The following TUBGCP6 variants were observed in gnomAD, a reference collection of about 807,000 sequenced individuals.
TUBGCP6 encodes the protein gamma-tubulin complex component 6.
TUBGCP6 carries 161 observed loss-of-function variants against 175.8 expected under a neutral mutation model. The observed-to-expected ratio is 0.92, with a 90% confidence interval of 0.81 to 1.04. The LOEUF is 1.04. TUBGCP6 is among the 50% of genes least tolerant of loss of function. TUBGCP6 has a pLI of 0.00. For synonymous variants in TUBGCP6, 1,173 were observed against 1,030.5 expected, an observed-to-expected ratio of 1.14 and a Z score of -2.65; for missense variants, 2,572 against 2,433.0, an observed-to-expected ratio of 1.06 and a Z score of -1.20.
Position 50,224,165 on chromosome 22 carries a change from T to C in TUBGCP6, c.2246A>G (p.Glu749Gly), listed in dbSNP as rs1395539063. 1.2e-6 allele frequency: 2 copies of C among 1,613,670 alleles called. No individual in the cohort carries two copies. The highest frequency in any genetic ancestry group is 2.7e-5 in the African/African-American group (2 of 74,888). Residue 749 changes from glutamate (E) to glycine (G), a missense_variant, in exon 13 of 25, where the codon GAG becomes GGG. Physicochemically the swap from Glu to Gly is moderately conservative, Grantham distance 98 (BLOSUM62 -2). Transcript: ENST00000248846. Reference protein sequence around the residue: ...RDRERRLKSLEEELERKARQA... With the variant: ...RDRERRLKSLGEELERKARQA... ...CCTCGCCTTCCTCTCCAGCTCCTCC[T>C]CCAGGGACTTCAGCCTTCTCTCCCT...
intron 2 of TUBGCP6, among the ~76,000 whole-genome samples, chr22:50,237,453 C>G (rs147380283): frequency 6.6e-6 from 1 of 152,204 alleles, no homozygotes; most frequent in Non-Finnish European, 1.5e-5. Context: ...TGTCAGGGGC[C>G]GTGGGATCAG....
At chr22:50,228,519 C>T (rs2064647848) in intron 4 of TUBGCP6, among the ~76,000 whole-genome samples, 2 of 152,186 alleles carry the variant, frequency 1.3e-5, no homozygotes, top group South Asian at 4.1e-4. Context: ...CCCTGCAGGT[C>T]ACACTAAGAC....
At chr22:50,230,528 T>A (rs1182709011) in intron 3 of TUBGCP6, among the ~76,000 whole-genome samples, 3 of 150,314 alleles carry the variant, frequency 2.0e-5, no homozygotes, top group Non-Finnish European at 4.4e-5. Flanking sequence ...AATTGTTGAA[T>A]ACGGGAGGCA....
chr22:50,237,660 C>G (rs181703046), intron 2 of TUBGCP6, among the ~76,000 whole-genome samples: 1 of 152,128 alleles, frequency 6.6e-6, no homozygotes, highest in Non-Finnish European at 1.5e-5. Flanking sequence ...TAGGAACCAC[C>G]GCCAGGCCCC....
At chr22:50,238,532 GTT>G (rs1314149857) in intron 2 of TUBGCP6, among the ~76,000 whole-genome samples, 1 of 113,890 alleles carries the variant, frequency 8.8e-6, no homozygotes. Context: ...TGTAGGGCCA[GTT>G]TTTTTTTTTG....
At position 50,228,467 on chromosome 22, in the gene TUBGCP6, T is replaced by C. The variant is rs572119668; in HGVS notation, c.1291-439A>G. Reference sequence around the variant, plus strand: ...GCTGCAGCTGCTCCGACCACAGCTGTCTCAGTGGCACCAGCATCCTGGGCA... The same window carrying C: ...GCTGCAGCTGCTCCGACCACAGCTGCCTCAGTGGCACCAGCATCCTGGGCA... On this transcript the variant is annotated intron_variant, in intron 4 of 24. Coordinates refer to ENST00000248846, the MANE Select transcript of TUBGCP6 (RefSeq NM_020461.4). Among the ~76,000 whole-genome samples the C allele has an allele frequency of 2.9e-3, 441 of 152,230 alleles. 15 individuals carry two copies. The highest frequency in any genetic ancestry group is 4.7e-4 in the Non-Finnish European group (32 of 68,004).
rs371758794 is a variant in TUBGCP6, at chr22:50,219,101, G to A, written c.4593C>T (p.Phe1531=). 50 of 1,612,824 alleles carry A rather than the reference G, an allele frequency of 3.1e-5. No individual in the cohort carries two copies. The highest frequency in any genetic ancestry group is 2.6e-4 in the South Asian group (24 of 91,000). ...AGAGCAGGTCGCTGAGGGACTGGGC[G>A]AACTCGCCGTCCTCCATCAGCAGGA... The part of the protein sequence containing the change: ...RHFLLMEDGE[F]AQSLSDLLFE... The change falls in exon 20 of 25, where the codon TTC becomes TTT. Residue 1531 remains phenylalanine, a synonymous_variant. Coordinates refer to ENST00000248846, the MANE Select transcript of TUBGCP6 (RefSeq NM_020461.4).
Position 50,222,549 on chromosome 22 carries a change from C to T in TUBGCP6, c.2314G>A (p.Ala772Thr), listed in dbSNP as rs1188033376. The T allele has an allele frequency of 4.3e-6, 7 of 1,613,374 alleles. No homozygotes were observed. The South Asian group carries it at 6.6e-5, about 15-fold the overall frequency. The change falls in exon 14 of 25, where the codon GCT becomes ACT. Residue 772 changes from alanine (A) to threonine (T), a missense_variant. Physicochemically the swap from Ala to Thr is moderately conservative, Grantham distance 58. Coordinates refer to ENST00000248846, the MANE Select transcript of TUBGCP6 (RefSeq NM_020461.4). ...DHYSKLSAEA[A>T]RREQKALWRI... Reference sequence around the variant, plus strand: ...CACAGTGCCTTCTGCTCCCGACGAGCTGCCTCTGCAGAGAGCTTGCTGTAG... The same window carrying T: ...CACAGTGCCTTCTGCTCCCGACGAGTTGCCTCTGCAGAGAGCTTGCTGTAG...
At chr22:50,221,920 C>A (rs1207623617) in intron 15 of TUBGCP6, 46 bp from the exon 16 acceptor site, 7 of 1,551,936 alleles carry the variant, frequency 4.5e-6, no homozygotes, top group Non-Finnish European at 6.1e-6. Flanking sequence ...CAGGACCCCC[C>A]AGCCCTCGAA....
At chr22:50,231,388 AGGCTGCAGTGAGCTG>A (rs2064688576) in intron 3 of TUBGCP6, among the ~76,000 whole-genome samples, 1 of 151,872 alleles carries the variant, frequency 6.6e-6, no homozygotes, top group Non-Finnish European at 1.5e-5. Flanking sequence ...CAGGAGGCGG[AGGCTGCAGTGAGCTG>A]AGATCACACC....
chr22:50,218,703 C>T lies in TUBGCP6; in HGVS notation c.4821G>A (p.Lys1607=). ...DVLSCLELRY[K]VDWPLNIVIT... ...CCCCGCGGCCAGGGCTGCTGCTGACCTTGTACCTGAGCTCCAGGCAGCTCA... is the reference window on the plus strand; with the variant it reads ...CCCCGCGGCCAGGGCTGCTGCTGACTTTGTACCTGAGCTCCAGGCAGCTCA... The change falls in exon 21 of 25, where the codon AAG becomes AAA. Residue 1607 remains lysine (K), a splice_region_variant and synonymous_variant. Coordinates refer to ENST00000248846, the MANE Select transcript of TUBGCP6 (RefSeq NM_020461.4). 1 of 1,613,660 alleles carries T rather than the reference C, an allele frequency of 6.2e-7. No individual in the cohort carries two copies. The highest frequency in any genetic ancestry group is 8.5e-7 in the Non-Finnish European group (1 of 1,179,820).
At chr22:50,229,359 C>A (rs749370762) in intron 4 of TUBGCP6, 45 bp downstream of exon 4, 1 of 1,595,982 alleles carries the variant, frequency 6.3e-7, no homozygotes, top group African/African-American at 1.3e-5. Flanking sequence ...GTCGTGTGCA[C>A]CGTTCTCACA....
At position 50,221,103 on chromosome 22, in the gene TUBGCP6, CA is replaced by C; in HGVS notation, c.3255del (p.Asn1085LysfsTer6). 1 of 1,613,000 alleles carries C rather than the reference CA, an allele frequency of 6.2e-7. No homozygotes were observed. The highest frequency in any genetic ancestry group is 8.5e-7 in the Non-Finnish European group (1 of 1,179,726). On this transcript the variant is annotated frameshift_variant, in exon 16 of 25. Coordinates refer to ENST00000248846, the MANE Select transcript of TUBGCP6 (RefSeq NM_020461.4). LOFTEE classifies it high-confidence loss of function. ...ACAGACTCCCCTAAGCTGATGCTGG[CA>C]TTGGATACGTGTCCGTGGGTGTTCC... ...PRWNTHGHVS[N>X]ASISLGESVS...
intron 20 of TUBGCP6, 69 bp from the exon 21 acceptor site, chr22:50,218,966 G>A (rs2064466470): frequency 6.3e-6 from 10 of 1,588,188 alleles, no homozygotes; most frequent in Admixed American, 1.7e-5. Flanking sequence ...GGCACCCCAT[G>A]GGGCTGTGCC....
chr22:50,225,853 C>T lies in TUBGCP6; in HGVS notation c.1924G>A (p.Val642Ile), dbSNP rs757088867. Residue 642 changes from valine to isoleucine, a missense_variant, in exon 10 of 25, where the codon GTC (valine) becomes ATC (isoleucine). By Grantham distance (29) the Val-to-Ile change is conservative. Coordinates refer to ENST00000248846, the MANE Select transcript of TUBGCP6 (RefSeq NM_020461.4). ...ELKEIEKDCA[V>I]YVGRMERVAR... ...ACCCTCTCCATGCGCCCAACGTAGA[C>T]GGCACAGTCCTTCTCAATCTCCTTC... 33 of 1,613,794 alleles carry T rather than the reference C, an allele frequency of 2.0e-5. No homozygotes were observed. The highest frequency in any genetic ancestry group is 2.0e-4 in the South Asian group (18 of 91,082).
rs1208445137 is a variant in TUBGCP6, at chr22:50,218,313, C to A, written c.5044G>T (p.Gly1682Cys). 1 of 1,612,992 alleles carries A rather than the reference C, an allele frequency of 6.2e-7. No homozygotes were observed. Among genetic ancestry groups the A allele is most frequent in the Admixed American group, 1.7e-5 (1 of 60,014 alleles). The change falls in exon 23 of 25, where the codon GGC (glycine) becomes TGC (cysteine). Residue 1682 changes from glycine to cysteine, a missense_variant. Gly to Cys is a radical substitution (Grantham distance 159). Transcript: ENST00000248846. ...EMQHFVKVIQGYIANQILHVT... is the reference protein window; with the variant it reads ...EMQHFVKVIQCYIANQILHVT... Reference sequence around the variant, plus strand: ...TGCAGGATCTGGTTGGCGATGTAGCCCTGGATGACCTTCACGAAATGCTGC... The same window carrying A: ...TGCAGGATCTGGTTGGCGATGTAGCACTGGATGACCTTCACGAAATGCTGC...
chr22:50,227,857 C>T (rs762937258), intron 5 of TUBGCP6, 50 bp downstream of exon 5: 3 of 1,554,300 alleles, frequency 1.9e-6, no homozygotes, highest in African/African-American at 2.7e-5. Context: ...CCAGCAAGCC[C>T]CACACCGCTC....
At chr22:50,241,090 G>A (rs1286120791) in intron 1 of TUBGCP6, among the ~76,000 whole-genome samples, 1 of 152,208 alleles carries the variant, frequency 6.6e-6, no homozygotes, top group Admixed American at 6.5e-5. Flanking sequence ...TCATAAATAT[G>A]ATTATATATG....
Position 50,221,562 on chromosome 22 carries a change from C to G in TUBGCP6, c.2797G>C (p.Ala933Pro). ...GCTGCTGCGGGTGCCTCCCCAGGAG[C>G]TGAGGGGGGCAGGTCCAAGTTAATG... is the stretch of plus-strand genomic sequence containing the variant. ...QTINLDLPPS[A>P]PGEAPAAAST... Residue 933 changes from alanine to proline, a missense_variant, in exon 16 of 25, where the codon GCT becomes CCT. Coordinates refer to ENST00000248846, the MANE Select transcript of TUBGCP6 (RefSeq NM_020461.4). 4 of 1,587,324 alleles carry G rather than the reference C, an allele frequency of 2.5e-6. No homozygotes were observed. The highest frequency in any genetic ancestry group is 3.4e-6 in the Non-Finnish European group (4 of 1,164,640).
Sources: gnomAD v4.1 joint callset for allele counts (sites outside exome capture counted in the v4.1 genomes callset) on GRCh38, gnomAD v4.1.1 for gene constraint, MANE v1.5 for transcripts, NCBI Gene and HGNC (gene_info 2026-07-23, HGNC 2026-07-21) for gene names.